The following ACVR1C variants were observed in gnomAD, a reference collection of about 807,000 sequenced individuals.
The protein encoded by ACVR1C is activin receptor type-1C.
Under a neutral mutation model 57.9 loss-of-function variants are expected in ACVR1C, and 23 were observed. That is an observed-to-expected ratio of 0.40 (90% CI 0.29 to 0.56). ACVR1C has a LOEUF of 0.56. ACVR1C is among the 20% of genes least tolerant of loss of function. The pLI, the probability that ACVR1C is intolerant of heterozygous loss-of-function variation, is 0.50. For synonymous variants in ACVR1C, 214 were observed against 215.3 expected, an observed-to-expected ratio of 0.99 and a Z score of 0.05; for missense variants, 480 against 607.9, an observed-to-expected ratio of 0.79 and a Z score of 2.21.
intron 1 of ACVR1C, among the ~76,000 whole-genome samples, chr2:157,609,538 G>A (rs1363742617): frequency 2.0e-5 from 3 of 151,932 alleles, no homozygotes; most frequent in Non-Finnish European, 4.4e-5. Context: ...TTTCTGTCTA[G>A]ATAAACTGTC....
Position 157,585,872 on chromosome 2 carries a change from GT to G in ACVR1C, c.304+1314del, listed in dbSNP as rs372990131. ...AGTGTTCAGGGATGAAATATGCCAAGTATAACTTTTGAGGTTGCAATATACA... is the reference window on the plus strand; with the variant it reads ...AGTGTTCAGGGATGAAATATGCCAAGATAACTTTTGAGGTTGCAATATACA... On this transcript the variant is annotated intron_variant, in intron 2 of 8. Transcript: ENST00000243349. Among the ~76,000 whole-genome samples the G allele has an allele frequency of 3.7e-3, 569 of 152,266 alleles. 6 individuals are homozygous for G. Among genetic ancestry groups the G allele is most frequent in the African/African-American group, 0.013 (533 of 41,560 alleles).
chr2:157,620,517 T>G (rs1682747841), intron 1 of ACVR1C, among the ~76,000 whole-genome samples: 3 of 152,146 alleles, frequency 2.0e-5, no homozygotes, highest in Admixed American at 6.6e-5. Flanking sequence ...ACAATCTGGT[T>G]TTTTTAAGCT....
At chr2:157,599,465 T>G (rs766288466) in intron 1 of ACVR1C, among the ~76,000 whole-genome samples, 4 of 151,964 alleles carry the variant, frequency 2.6e-5, no homozygotes, top group Non-Finnish European at 4.4e-5. Context: ...TGTTGAGCTT[T>G]CCCGGCTCAA....
chr2:157,594,251 C>G (rs553007271), intron 1 of ACVR1C, among the ~76,000 whole-genome samples: 31 of 152,270 alleles, frequency 2.0e-4, no homozygotes, highest in African/African-American at 7.2e-4. Context: ...ACATGTTCCC[C>G]AATCTCTCCA....
intron 1 of ACVR1C, among the ~76,000 whole-genome samples, chr2:157,592,187 T>TGC (rs1312533297): frequency 1.3e-5 from 2 of 152,014 alleles, no homozygotes; most frequent in Non-Finnish European, 2.9e-5. Context: ...GCATCTAAAA[T>TGC]AAACAATCTC....
intron 1 of ACVR1C, among the ~76,000 whole-genome samples, chr2:157,620,377 G>T (rs377305591): frequency 6.6e-6 from 1 of 152,022 alleles, no homozygotes; most frequent in African/African-American, 2.4e-5. Context: ...TACTCTTGGA[G>T]AACGAAAATG....
At chr2:157,576,251 G>A (rs377165059) in intron 2 of ACVR1C, among the ~76,000 whole-genome samples, 18 of 122,458 alleles carry the variant, frequency 1.5e-4, no homozygotes, top group African/African-American at 5.5e-4. Flanking sequence ...CTGTCACCAC[G>A]CTGGAGTGCA....
chr2:157,599,627 A>G (rs1312640183), intron 1 of ACVR1C, among the ~76,000 whole-genome samples: 1 of 152,162 alleles, frequency 6.6e-6, no homozygotes. Context: ...CGTTTTTTGA[A>G]TTAGTACAGT....
At chr2:157,560,442 G>A (rs11679482) in intron 2 of ACVR1C, among the ~76,000 whole-genome samples, 79,287 of 151,926 alleles carry the variant, frequency 0.52, 22,099 homozygotes, top group African/African-American at 0.72. Flanking sequence ...AATTTAAAAC[G>A]GAACCAAGTG....
chr2:157,620,348 G>A (rs1479114988), intron 1 of ACVR1C, among the ~76,000 whole-genome samples: 1 of 151,970 alleles, frequency 6.6e-6, no homozygotes, highest in African/African-American at 2.4e-5. Context: ...GCAAGCAAAT[G>A]TCCACAGAAT....
In ACVR1C at chr2:157,576,578, A is replaced by C. The variant is rs1688658481; in HGVS notation, c.304+10609T>G. Among the ~76,000 whole-genome samples, 5 of 152,264 alleles carry C rather than the reference A, an allele frequency of 3.3e-5. No homozygotes were observed. The South Asian group carries it at 1.0e-3, about 32-fold the overall frequency. ...GATCATTTTCTTGTCAACTTGGGTA[A>C]ACTTGAACTATGGCTCCCAGAGTAT... On this transcript the variant is annotated intron_variant, in intron 2 of 8. Coordinates refer to ENST00000243349, the MANE Select transcript of ACVR1C (RefSeq NM_145259.3).
At chr2:157,537,648 G>T (rs975096261) in intron 8 of ACVR1C, among the ~76,000 whole-genome samples, 1 of 151,982 alleles carries the variant, frequency 6.6e-6, no homozygotes, top group South Asian at 2.1e-4. Flanking sequence ...CAGACTAAAA[G>T]ACATCACCTA....
At chr2:157,569,491 GA>G (rs1688472973) in intron 2 of ACVR1C, among the ~76,000 whole-genome samples, 1 of 94,732 alleles carries the variant, frequency 1.1e-5, no homozygotes, top group Non-Finnish European at 2.1e-5. Context: ...AAAAAAGAGA[GA>G]AGAATCAAAT....
chr2:157,580,652 G>A (rs891505450), intron 2 of ACVR1C, among the ~76,000 whole-genome samples: 26 of 151,924 alleles, frequency 1.7e-4, no homozygotes, highest in African/African-American at 6.3e-4. Flanking sequence ...TAAATGAATT[G>A]CTCGACAGCC....
rs1383459021 is a variant in ACVR1C, at chr2:157,533,655, T to C, written c.*263A>G. The C allele has an allele frequency of 4.7e-6, 1 of 210,826 alleles. No individual in the cohort carries two copies. Among genetic ancestry groups the C allele is most frequent in the East Asian group, 9.9e-5 (1 of 10,060 alleles). 13.1% of individuals were successfully genotyped at this position (210,826 alleles called of 1,614,324 possible). ...TAGAGCTTATTTTATACTTTTGTAA[T>C]ATATTTCTTCCTTATTAAATAAAAA... On this transcript the variant is annotated 3_prime_UTR_variant, in exon 9 of 9. Transcript: ENST00000243349.
chr2:157,541,574 C>A lies in ACVR1C; in HGVS notation c.1101-360G>T, dbSNP rs185385307. Among the ~76,000 whole-genome samples, 19 of 152,316 alleles carry A rather than the reference C, an allele frequency of 1.2e-4. No individual in the cohort carries two copies. The East Asian group carries it at 3.7e-3, about 29-fold the overall frequency. On this transcript the variant is annotated intron_variant, in intron 6 of 8. Transcript: ENST00000243349. ...TGAGGATGCAACACCCTCCCAAGTT[C>A]TTGCAAGGGTGTTAGATCCCCTGAA...
At chr2:157,618,398 G>A (rs959089707) in intron 1 of ACVR1C, among the ~76,000 whole-genome samples, 3 of 151,616 alleles carry the variant, frequency 2.0e-5, no homozygotes, top group East Asian at 1.9e-4. Context: ...GGAAATGAAA[G>A]AGGATATATA....
intron 8 of ACVR1C, among the ~76,000 whole-genome samples, chr2:157,535,396 G>A (rs1435938166): frequency 6.6e-6 from 1 of 151,906 alleles, no homozygotes; most frequent in Non-Finnish European, 1.5e-5. Context: ...TTGGCCCATA[G>A]AAACATTAGA....
intron 2 of ACVR1C, among the ~76,000 whole-genome samples, chr2:157,562,131 C>T (rs549943928): frequency 1.1e-4 from 17 of 151,706 alleles, no homozygotes; most frequent in South Asian, 2.1e-4. Context: ...CCTGTCTCTA[C>T]GAAAAATACA....
Sources: gnomAD v4.1 joint callset for allele counts (sites outside exome capture counted in the v4.1 genomes callset) on GRCh38, gnomAD v4.1.1 for gene constraint, MANE v1.5 for transcripts, NCBI Gene and HGNC (gene_info 2026-07-23, HGNC 2026-07-21) for gene names.